DGKZ: variants seen among roughly 807,000 people sequenced by gnomAD.
DGKZ encodes the protein DAG kinase zeta.
DGKZ carries 45 observed loss-of-function variants against 142.5 expected under a neutral mutation model. That is an observed-to-expected ratio of 0.32 (90% CI 0.25 to 0.40). DGKZ has a LOEUF of 0.40. Among genes scored for constraint, DGKZ ranks in the 10% least tolerant of loss-of-function variants. The pLI is 1.00. For missense variants in DGKZ, 755 were observed against 1,306.5 expected (o/e 0.58, Z 6.51); for synonymous variants, 442 against 527.0 (o/e 0.84, Z 2.21).
At position 46,372,705 on chromosome 11, in the gene DGKZ, C is replaced by T. The variant is rs755850955; in HGVS notation, c.1071+28C>T. 23 of 1,612,404 alleles carry T rather than the reference C, an allele frequency of 1.4e-5. No individual in the cohort carries two copies. The highest frequency in any genetic ancestry group is 1.7e-6 in the Non-Finnish European group (2 of 1,179,534). ...GAGCTCCCCGCATGGGCCAGCCGAGCACCAGGGCTGGGCCTGAAGCCGGGG... is the reference window on the plus strand; with the variant it reads ...GAGCTCCCCGCATGGGCCAGCCGAGTACCAGGGCTGGGCCTGAAGCCGGGG... On this transcript the variant is annotated intron_variant, in intron 12 of 30. Transcript: ENST00000527911. This position sits in a 1 kb window ranked among gnomAD's most constrained non-coding sequence, Gnocchi z 5.9.
At chr11:46,352,487 C>T (rs1941522413) in intron 1 of DGKZ, among the ~76,000 whole-genome samples, 2 of 152,224 alleles carry the variant, frequency 1.3e-5, no homozygotes, top group Non-Finnish European at 1.5e-5. Context: ...TGGCCCCACC[C>T]CTCCCGTCCC....
chr11:46,343,008 A>T (rs1204996548), upstream of DGKZ, among the ~76,000 whole-genome samples: 1 of 152,088 alleles, frequency 6.6e-6, no homozygotes, highest in African/African-American at 2.4e-5. Flanking sequence ...CCTGTGATCC[A>T]AGCTACTCTG....
In DGKZ at chr11:46,374,263, C is replaced by T. The variant is rs773867409; in HGVS notation, c.1405+28C>T. On this transcript the variant is annotated intron_variant, in intron 15 of 30. Coordinates refer to ENST00000527911, the Ensembl canonical transcript of DGKZ. ...TGGCAGCCTCCCACTGAGGCCAGGG[C>T]AGGGTGGGCACAGGAGTGTCCCCGG... The T allele has an allele frequency of 6.2e-6, 10 of 1,613,636 alleles. No individual in the cohort carries two copies. In the South Asian group the frequency reaches 1.1e-4, roughly 18 times the overall value.
At chr11:46,366,562 G>A in intron 1 of DGKZ, 2 of 1,603,732 alleles carry the variant, frequency 1.2e-6, no homozygotes, top group Non-Finnish European at 1.7e-6. Context: ...TGGGGGCCCA[G>A]CTTCTGGGTG....
chr11:46,369,955 G>A (rs1465571845), exon 6 of DGKZ: 2 of 1,613,780 alleles, frequency 1.2e-6, no homozygotes, highest in African/African-American at 2.7e-5. Flanking sequence ...CCTTTGTACG[G>A]CACCACTGGG....
Position 46,367,862 on chromosome 11 carries a change from A to T in DGKZ, c.366+115A>T. 6.6e-7 allele frequency: 1 copy of T among 1,519,974 alleles called. No homozygotes were observed. The highest frequency in any genetic ancestry group is 9.1e-7 in the Non-Finnish European group (1 of 1,099,166). The allele number at this position is 1,519,974 out of a possible 1,614,324, so 94.2% of individuals were successfully genotyped here. A position where few individuals can be genotyped will look rare whatever the true frequency, so the allele number is the denominator to read the frequency against. On this transcript the variant is annotated intron_variant, in intron 3 of 30. Coordinates refer to ENST00000527911, the Ensembl canonical transcript of DGKZ. This position sits in a 1 kb window ranked among gnomAD's most constrained non-coding sequence, Gnocchi z 4.1. ...CACCCCTGCTGTGGGCCGCCCCAGG[A>T]TGGTGAGGGGTGCAGGGGCTTTGTC...
intron 1 of DGKZ, chr11:46,366,484 C>T (rs1393920132): frequency 1.9e-6 from 3 of 1,575,906 alleles, no homozygotes; most frequent in Admixed American, 1.8e-5. Context: ...GGCGCTCCAG[C>T]ACTGTGCCCC....
At chr11:46,342,953 G>C (rs926982432), upstream of DGKZ, among the ~76,000 whole-genome samples, 16 of 152,070 alleles carry the variant, frequency 1.1e-4, no homozygotes, top group Admixed American at 1.0e-3. Flanking sequence ...GTGAAACTCC[G>C]TCTCTACTAA....
exon 1 of DGKZ, chr11:46,333,340 A>C (rs1939860807): frequency 7.4e-7 from 1 of 1,348,794 alleles, no homozygotes; most frequent in African/African-American, 1.5e-5. Context: ...CGGGCAGCCG[A>C]GGAGGAGGTG....
chr11:46,376,823 G>T (rs901321819), intron 24 of DGKZ: 8 of 640,404 alleles, frequency 1.2e-5, no homozygotes, highest in Non-Finnish European at 1.9e-5. Flanking sequence ...TGGAAGCCCA[G>T]AGCCATCCAG....
upstream of DGKZ, among the ~76,000 whole-genome samples, chr11:46,343,718 CT>C (rs1564994078): frequency 1.3e-5 from 2 of 152,304 alleles, no homozygotes; most frequent in Non-Finnish European, 2.9e-5. Context: ...CCATGCTGGC[CT>C]TTTTGCAATT....
upstream of DGKZ, chr11:46,345,182 C>G: frequency 9.0e-7 from 1 of 1,105,452 alleles, no homozygotes; most frequent in Non-Finnish European, 1.2e-6. The surrounding 1 kb of genome is among the most constrained non-coding windows in gnomAD (Gnocchi z 4.1). Flanking sequence ...GATTCCAGCC[C>G]AAGCAAGCCC....
In DGKZ at chr11:46,380,113, C is replaced by T. The variant is rs77301402; in HGVS notation, c.*166C>T. 2,699 of 700,032 alleles carry T rather than the reference C, an allele frequency of 3.9e-3. 16 individuals are homozygous for T. The highest frequency in any genetic ancestry group is 6.2e-3 in the Middle Eastern group (15 of 2,420). 43.4% of individuals were successfully genotyped at this position (700,032 alleles called of 1,614,324 possible). On this transcript the variant is annotated 3_prime_UTR_variant, in exon 31 of 31. Transcript: ENST00000527911. ...AGCCGCCCAGACCTAGGGCTGGACT[C>T]AGGAGCTGGGGGGGCCTCACCTGTT...
chr11:46,347,490 G>C lies in DGKZ; in HGVS notation c.-170G>C. ...CACTTCCTGGAGCGGCGGCGGCAGC[G>C]GCTTCCCGGGCACCTGGGCGTGGGG... On this transcript the variant is annotated 5_prime_UTR_variant, in exon 1 of 31. Coordinates refer to ENST00000527911, the Ensembl canonical transcript of DGKZ. The surrounding 1 kb of genome is among the most constrained non-coding windows in gnomAD (Gnocchi z 6.4). 1 of 982,300 alleles carries C rather than the reference G, an allele frequency of 1.0e-6. No homozygotes were observed. The highest frequency in any genetic ancestry group is 1.2e-6 in the Non-Finnish European group (1 of 828,868). 60.8% of individuals were successfully genotyped at this position (982,300 alleles called of 1,614,324 possible). A position where few individuals can be genotyped will look rare whatever the true frequency, so the allele number is the denominator to read the frequency against.
intron 1 of DGKZ, among the ~76,000 whole-genome samples, chr11:46,349,539 G>T (rs986571776): frequency 2.0e-5 from 3 of 150,506 alleles, no homozygotes; most frequent in Non-Finnish European, 4.4e-5. Context: ...CAGGGTAGGT[G>T]GTATTCTTCC....
intron 25 of DGKZ, 39 bp from the exon 26 acceptor site, chr11:46,378,159 G>A (rs1467461711): frequency 1.9e-6 from 3 of 1,597,824 alleles, no homozygotes; most frequent in Non-Finnish European, 2.6e-6. Context: ...CAGCTGGCCT[G>A]TGCCGTAGCC....
chr11:46,350,160 C>A (rs1444486400), intron 1 of DGKZ, among the ~76,000 whole-genome samples: 1 of 152,128 alleles, frequency 6.6e-6, no homozygotes, highest in South Asian at 2.1e-4. Flanking sequence ...TTCAGAGAAC[C>A]CAGTAGTATC....
At chr11:46,345,551 G>A (rs1287382855), upstream of DGKZ, 52 of 1,527,748 alleles carry the variant, frequency 3.4e-5, no homozygotes, top group Non-Finnish European at 4.5e-5. This position sits in a 1 kb window ranked among gnomAD's most constrained non-coding sequence, Gnocchi z 4.1. Flanking sequence ...CTCCTGGGAC[G>A]TGCCACAGAT....
intron 1 of DGKZ, chr11:46,365,824 C>G: frequency 1.0e-6 from 1 of 985,386 alleles, no homozygotes; most frequent in South Asian, 4.7e-5. Flanking sequence ...CCAGGCAGAC[C>G]GACTCCCCAT....
Sources: allele counts gnomAD v4.1 joint callset (sites outside exome capture counted in the v4.1 genomes callset), GRCh38; gene constraint gnomAD v4.1.1; non-coding constraint Gnocchi (gnomAD v3.1); transcripts MANE v1.5; gene names NCBI Gene and HGNC (gene_info 2026-07-23, HGNC 2026-07-21).